Variants in ARAP1 observed in about 807,000 individuals in gnomAD.
ARAP1 encodes arf-GAP with Rho-GAP domain, ANK repeat and PH domain-containing protein 1.
In ARAP1, 76 loss-of-function variants were observed where a neutral mutation model predicts 172.2. The ratio of observed to expected loss-of-function variants is 0.44; its 90% CI spans 0.37 to 0.53. ARAP1 has a LOEUF of 0.53. ARAP1 is among the 20% of genes least tolerant of loss of function. ARAP1 has a pLI of 0.00. For missense variants in ARAP1, 1,686 were observed against 1,977.5 expected (o/e 0.85, Z 2.80); for synonymous variants, 804 against 803.3 (o/e 1.00, Z -0.01).
chr11:72,751,502 G>T (rs902383977), intron 1 of ARAP1, among the ~76,000 whole-genome samples: 1 of 152,026 alleles, frequency 6.6e-6, no homozygotes, highest in Non-Finnish European at 1.5e-5. Context: ...GGCCTCTGGG[G>T]ACTCTCCGCG....
At chr11:72,688,815 A>T (rs539083279) in intron 30 of ARAP1, 3 of 410,904 alleles carry the variant, frequency 7.3e-6, no homozygotes, top group Non-Finnish European at 1.3e-5. Context: ...GACATCTGTA[A>T]CAGCGAATCC....
chr11:72,747,464 A>G (rs559784943), intron 1 of ARAP1, among the ~76,000 whole-genome samples: 3 of 152,146 alleles, frequency 2.0e-5, no homozygotes, highest in Non-Finnish European at 4.4e-5. Context: ...TGGTTTGGTC[A>G]GGGAGAAAAG....
In ARAP1 at chr11:72,727,031, A is replaced by G; in HGVS notation, c.98T>C (p.Val33Ala). 1 of 1,610,088 alleles carries G rather than the reference A, an allele frequency of 6.2e-7. No homozygotes were observed. Among genetic ancestry groups the G allele is most frequent in the Non-Finnish European group, 8.5e-7 (1 of 1,178,396 alleles). ...GAGGCCTTGGCACTCAGTGGCCCACACCAGGCCATGCTGCTCAAAGAGCCC... is the reference window on the plus strand; with the variant it reads ...GAGGCCTTGGCACTCAGTGGCCCACGCCAGGCCATGCTGCTCAAAGAGCCC... ...YTGLFEQHGL[V>A]WATECQGLSD... Residue 33 changes from valine to alanine, a missense_variant, in exon 3 of 35, where the codon GTG (valine) becomes GCG (alanine). Physicochemically the swap from Val to Ala is moderately conservative, Grantham distance 64. This residue lies in a region of ARAP1 where 190 missense variants were observed against 228.6 expected (regional missense o/e 0.83). Coordinates refer to ENST00000393609, the MANE Select transcript of ARAP1 (RefSeq NM_001040118.3).
Position 72,695,388 on chromosome 11 carries a change from T to C in ARAP1, c.3575A>G (p.Lys1192Arg), listed in dbSNP as rs767314721. The change falls in exon 26 of 35, where the codon AAG (lysine) becomes AGG (arginine). Residue 1192 changes from lysine to arginine, a missense_variant and splice_region_variant. Around this residue, in one of 5 missense-constraint regions of ARAP1, gnomAD observed 379 missense variants for 500.1 expected, o/e 0.76. Coordinates refer to ENST00000393609, the MANE Select transcript of ARAP1 (RefSeq NM_001040118.3). The surrounding 1 kb of genome is among the most constrained non-coding windows in gnomAD (Gnocchi z 4.4). Reference sequence around the variant, plus strand: ...TGGCTTCTAGGTCCCAGCACCTACCTTGATATGCTGCTCAGTCTCTGCCTT... The same window carrying C: ...TGGCTTCTAGGTCCCAGCACCTACCCTGATATGCTGCTCAGTCTCTGCCTT... ...EKKAETEQHI[K>R]VPASMTAEEL... The C allele has an allele frequency of 1.9e-6, 3 of 1,614,186 alleles. No individual in the cohort carries two copies. Among genetic ancestry groups the C allele is most frequent in the Non-Finnish European group, 2.5e-6 (3 of 1,180,028 alleles).
rs147679671 is a variant in ARAP1 at position 72,701,690 on chromosome 11, G to A, written c.2261C>T (p.Ala754Val). Residue 754 changes from alanine to valine, a missense_variant, in exon 16 of 35, where the codon GCC becomes GTC. Physicochemically the swap from Ala to Val is moderately conservative, Grantham distance 64. Around this residue, in one of 5 missense-constraint regions of ARAP1, gnomAD observed 688 missense variants for 856.9 expected, o/e 0.80. Transcript: ENST00000393609. The stretch of plus-strand genomic sequence containing the variant: ...GTCCTGTAGCAGCTTGCCGGCAGAG[G>A]CAGTCTTGTAGAGGAAGCCACTGTG... The part of the protein sequence containing the change: ...VSHSGFLYKT[A>V]SAGKLLQDRR... The A allele has an allele frequency of 6.1e-4, 980 of 1,613,804 alleles. 1 individual carries two copies. Among genetic ancestry groups the A allele is most frequent in the Non-Finnish European group, 7.6e-4 (897 of 1,179,820 alleles).
At chr11:72,685,738 C>T (rs1855642868) in intron 34 of ARAP1, 57 bp from the exon 35 acceptor site, 2 of 1,608,816 alleles carry the variant, frequency 1.2e-6, no homozygotes, top group Admixed American at 1.7e-5. Context: ...GGGCTGGCGC[C>T]CCGCTGAAGC....
At position 72,710,666 on chromosome 11, in the gene ARAP1, C is replaced by T. The variant is rs980128526; in HGVS notation, c.1214-79G>A. The T allele has an allele frequency of 7.2e-7, 1 of 1,390,010 alleles. No individual in the cohort carries two copies. Among genetic ancestry groups the T allele is most frequent in the Non-Finnish European group, 9.6e-7 (1 of 1,041,318 alleles). The allele number at this position is 1,390,010 out of a possible 1,614,324, so 86.1% of individuals were successfully genotyped here. On this transcript the variant is annotated intron_variant, in intron 9 of 34. Coordinates refer to ENST00000393609, the MANE Select transcript of ARAP1 (RefSeq NM_001040118.3). The surrounding 1 kb of genome is among the most constrained non-coding windows in gnomAD (Gnocchi z 4.3). Reference sequence around the variant, plus strand: ...GTCTCCTGGCCCTAGGCTCCTCATGCAACACCTCCTCCAGAAAGCCCACTC... The same window carrying T: ...GTCTCCTGGCCCTAGGCTCCTCATGTAACACCTCCTCCAGAAAGCCCACTC...
rs565235819 is a variant in ARAP1 at position 72,738,269 on chromosome 11, T to A, written c.-127-5672A>T. Among the ~76,000 whole-genome samples the A allele has an allele frequency of 2.0e-5, 3 of 152,284 alleles. No individual in the cohort carries two copies. The South Asian group carries it at 6.2e-4, about 32-fold the overall frequency. ...GAGAGAAAGGCTCAATGGCTGGCCC[T>A]CCGTCACCTGCATAGTCTGCTGACC... On this transcript the variant is annotated intron_variant, in intron 1 of 34. Coordinates refer to ENST00000393609, the MANE Select transcript of ARAP1 (RefSeq NM_001040118.3).
intron 13 of ARAP1, 147 bp downstream of exon 13, chr11:72,705,643 AAAAATTGCTTTTCCG>A (rs1271758331): frequency 7.5e-6 from 5 of 668,150 alleles, no homozygotes; most frequent in African/African-American, 1.8e-5. Flanking sequence ...TGACTTTGCC[AAAAATTGCTTTTCCG>A]AAATCCCCAC....
Position 72,693,547 on chromosome 11 carries a change from C to G in ARAP1, c.3809-77G>C. 1 of 1,557,602 alleles carries G rather than the reference C, an allele frequency of 6.4e-7. No individual in the cohort carries two copies. The highest frequency in any genetic ancestry group is 2.3e-5 in the East Asian group (1 of 44,282). On this transcript the variant is annotated intron_variant, in intron 28 of 34. Transcript: ENST00000393609. This position sits in a 1 kb window ranked among gnomAD's most constrained non-coding sequence, Gnocchi z 4.6. The stretch of plus-strand genomic sequence containing the variant: ...CTGGGTCCCAGGATGAAGGAAGCTG[C>G]CCCATCCTGCCCCAGCCTCTCCATA...
At chr11:72,740,187 T>C (rs1858156804) in intron 1 of ARAP1, among the ~76,000 whole-genome samples, 1 of 152,182 alleles carries the variant, frequency 6.6e-6, no homozygotes, top group South Asian at 2.1e-4. Flanking sequence ...CCAGGCACCT[T>C]TGAGCAGTGC....
At chr11:72,686,858 C>T (rs1319847510) in intron 33 of ARAP1, among the ~76,000 whole-genome samples, 1 of 152,146 alleles carries the variant, frequency 6.6e-6, no homozygotes. Flanking sequence ...CCCCCACCCC[C>T]GCCAGTGGTT....
At chr11:72,704,703 A>C in intron 13 of ARAP1, 1 of 216,472 alleles carries the variant, frequency 4.6e-6, no homozygotes, top group Non-Finnish European at 9.3e-6. Context: ...CTGTCAGCCA[A>C]TGGGGTGGGC....
intron 34 of ARAP1, 92 bp downstream of exon 34, chr11:72,685,950 G>A: frequency 1.2e-6 from 2 of 1,605,502 alleles, no homozygotes; most frequent in Non-Finnish European, 1.7e-6. Context: ...CAATCGGGGA[G>A]GGCAATCAGG....
intron 11 of ARAP1, 146 bp downstream of exon 11, chr11:72,709,724 G>T: frequency 1.3e-6 from 1 of 797,638 alleles, no homozygotes; most frequent in Non-Finnish European, 2.1e-6. Context: ...GTTAGCAAGT[G>T]ACGGGAGAGG....
Position 72,687,463 on chromosome 11 carries a change from C to T in ARAP1, c.4161G>A (p.Trp1387Ter). The change falls in exon 33 of 35, where the codon TGG becomes TGA. Residue 1387 changes from tryptophan (W) to a stop codon, truncating the protein, a stop_gained. Transcript: ENST00000393609. LOFTEE classifies it high-confidence loss of function. ...CCTGCACAAACAGAAAGGTAGCGAACCACTCCCGGAGCTCCATCTGTGTGT... is the reference window on the plus strand; with the variant it reads ...CCTGCACAAACAGAAAGGTAGCGAATCACTCCCGGAGCTCCATCTGTGTGT... ...CCDTQMELREWFATFLFVQHD... is the reference protein window; with the variant it reads ...CCDTQMELRE 1 of 1,614,202 alleles carries T rather than the reference C, an allele frequency of 6.2e-7. No individual in the cohort carries two copies. Among genetic ancestry groups the T allele is most frequent in the Non-Finnish European group, 8.5e-7 (1 of 1,180,032 alleles).
chr11:72,733,640 A>T (rs1857930874), intron 1 of ARAP1, among the ~76,000 whole-genome samples: 1 of 152,178 alleles, frequency 6.6e-6, no homozygotes, highest in Admixed American at 6.5e-5. Flanking sequence ...GACCTGGAAC[A>T]GTCAGGTCTG....
intron 1 of ARAP1, among the ~76,000 whole-genome samples, chr11:72,747,284 G>A (rs1387103825): frequency 6.6e-6 from 1 of 152,186 alleles, no homozygotes; most frequent in African/African-American, 2.4e-5. Context: ...TCCCCTCAGG[G>A]AGGACTCTCT....
intron 23 of ARAP1, 44 bp downstream of exon 23, chr11:72,696,505 T>C: frequency 2.8e-6 from 4 of 1,448,108 alleles, no homozygotes; most frequent in Non-Finnish European, 3.7e-6. Context: ...TAGAAGAACC[T>C]TCATCCCATC....
Sources: gnomAD v4.1 joint callset for allele counts (sites outside exome capture counted in the v4.1 genomes callset) on GRCh38, gnomAD v4.1.1 for gene constraint, gnomAD v4.1.1 regional missense constraint, Gnocchi (gnomAD v3.1) non-coding constraint, MANE v1.5 for transcripts, NCBI Gene and HGNC (gene_info 2026-07-23, HGNC 2026-07-21) for gene names.